Variants in KMT2C observed in about 807,000 individuals in gnomAD.
KMT2C encodes the protein histone-lysine N-methyltransferase 2C.
A neutral mutation model predicts 507.9 loss-of-function variants in KMT2C; 88 were observed. The ratio of observed to expected loss-of-function variants is 0.17; its 90% CI spans 0.15 to 0.21. KMT2C has a LOEUF of 0.21. Among genes scored for constraint, KMT2C ranks in the 10% least tolerant of loss-of-function variants. The probability of loss-of-function intolerance (pLI) is 1.00; values close to 1 mark genes in which losing one functional copy is unlikely to be tolerated. For missense variants in KMT2C, 4,954 were observed against 5,957.8 expected (o/e 0.83, Z 5.55); for synonymous variants, 2,049 against 2,080.8 (o/e 0.98, Z 0.42).
intron 1 of KMT2C, among the ~76,000 whole-genome samples, chr7:152,393,266 T>A (rs1048086449): frequency 2.6e-5 from 4 of 152,240 alleles, no homozygotes; most frequent in African/African-American, 9.6e-5. Context: ...CCCCTACTTG[T>A]AAATTTCAAT....
Position 152,177,164 on chromosome 7 carries a change from T to C in KMT2C, c.8289A>G (p.Glu2763=), listed in dbSNP as rs369076218. Residue 2763 remains glutamate, a synonymous_variant, in exon 38 of 59, where the codon GAA becomes GAG. Coordinates refer to ENST00000262189, the MANE Select transcript of KMT2C (RefSeq NM_170606.3). ...TGCTTTTCTTATCTCCCATGTCAAG[T>C]TCTGGATCTGTATATGCAATGATAT... The part of the protein sequence containing the change: ...EFDIIAYTDP[E]LDMGDKKSMF... The C allele has an allele frequency of 2.6e-5, 42 of 1,613,876 alleles. No homozygotes were observed. Among genetic ancestry groups the C allele is most frequent in the Admixed American group, 1.2e-4 (7 of 60,008 alleles).
At chr7:152,193,939 G>A (rs1312439768) in intron 31 of KMT2C, 70 bp downstream of exon 31, 6 of 1,329,526 alleles carry the variant, frequency 4.5e-6, no homozygotes, top group African/African-American at 1.5e-5. Context: ...ACTTGCTTGT[G>A]TGTGTATATG....
At chr7:152,289,719 T>C (rs200016369) in intron 6 of KMT2C, among the ~76,000 whole-genome samples, 1 of 152,182 alleles carries the variant, frequency 6.6e-6, no homozygotes, top group African/African-American at 2.4e-5. Flanking sequence ...CTTAAAGACT[T>C]TTCTGATGAG....
intron 58 of KMT2C, 65 bp from the exon 59 acceptor site, chr7:152,136,989 A>C: frequency 3.3e-6 from 4 of 1,200,444 alleles, no homozygotes; most frequent in Non-Finnish European, 4.9e-6. Flanking sequence ...TTCTGCCTCC[A>C]TCTCCCTTGC....
chr7:152,283,730 T>A (rs1328395330), intron 6 of KMT2C, among the ~76,000 whole-genome samples: 1 of 152,066 alleles, frequency 6.6e-6, no homozygotes, highest in African/African-American at 2.4e-5. Context: ...CCACTTTTCT[T>A]AAAAAAGAAG....
chr7:152,184,492 T>G (rs1000959973), intron 34 of KMT2C, among the ~76,000 whole-genome samples: 2 of 152,210 alleles, frequency 1.3e-5, no homozygotes, highest in Admixed American at 1.3e-4. Flanking sequence ...TAATAGTTCA[T>G]GGCAAAGATC....
chr7:152,180,329 G>A (rs1222145718), intron 36 of KMT2C, among the ~76,000 whole-genome samples: 1 of 152,078 alleles, frequency 6.6e-6, no homozygotes, highest in Non-Finnish European at 1.5e-5. Flanking sequence ...CAGGTTAGTG[G>A]CTTTTTAAAT....
intron 4 of KMT2C, among the ~76,000 whole-genome samples, chr7:152,314,935 A>T (rs907246510): frequency 6.6e-6 from 1 of 152,144 alleles, no homozygotes; most frequent in Non-Finnish European, 1.5e-5. Flanking sequence ...TAAACTTTTT[A>T]AAAAATAACA....
chr7:152,385,606 C>G (rs571137223), intron 1 of KMT2C, among the ~76,000 whole-genome samples: 1 of 51,308 alleles, frequency 1.9e-5, no homozygotes, highest in East Asian at 4.1e-4. Flanking sequence ...AGCGAGACTC[C>G]GTCTCAAAAA....
At chr7:152,157,343 AC>A (rs1379836975) in intron 44 of KMT2C, among the ~76,000 whole-genome samples, 9 of 151,746 alleles carry the variant, frequency 5.9e-5, no homozygotes, top group African/African-American at 1.9e-4. Flanking sequence ...AAAAAAAAAA[AC>A]CTACAATAGT....
intron 1 of KMT2C, among the ~76,000 whole-genome samples, chr7:152,361,258 T>C (rs1245825443): frequency 6.6e-6 from 1 of 152,088 alleles, no homozygotes; most frequent in Non-Finnish European, 1.5e-5. Context: ...ATCTTTAGAA[T>C]TTATTAAGTA....
intron 14 of KMT2C, among the ~76,000 whole-genome samples, chr7:152,245,221 G>C (rs1176655311): frequency 7.2e-5 from 11 of 152,236 alleles, no homozygotes; most frequent in Non-Finnish European, 1.3e-4. Context: ...CACAGCCACA[G>C]TCTTAGTTTG....
chr7:152,384,289 C>A (rs1291070906), intron 1 of KMT2C, among the ~76,000 whole-genome samples: 1 of 152,194 alleles, frequency 6.6e-6, no homozygotes, highest in Non-Finnish European at 1.5e-5. Flanking sequence ...ACTTAAAACC[C>A]ATACTACCTC....
intron 3 of KMT2C, among the ~76,000 whole-genome samples, chr7:152,317,009 C>T (rs1589144498): frequency 6.6e-6 from 1 of 152,052 alleles, no homozygotes; most frequent in Non-Finnish European, 1.5e-5. Context: ...GAAACACTAC[C>T]CATGAGAAGC....
chr7:152,431,027 T>C (rs1208547389), intron 1 of KMT2C, among the ~76,000 whole-genome samples: 6 of 152,160 alleles, frequency 3.9e-5, no homozygotes, highest in African/African-American at 1.4e-4. Context: ...GATGAAGCAG[T>C]GTGGCTTGTC....
chr7:152,418,791 C>G (rs994875046), intron 1 of KMT2C, among the ~76,000 whole-genome samples: 1 of 151,030 alleles, frequency 6.6e-6, no homozygotes, highest in Non-Finnish European at 1.5e-5. Flanking sequence ...ATTAACAATA[C>G]GGAAATTTTC....
chr7:152,387,598 G>A (rs2097442926), intron 1 of KMT2C, among the ~76,000 whole-genome samples: 1 of 151,496 alleles, frequency 6.6e-6, no homozygotes, highest in East Asian at 2.0e-4. Flanking sequence ...AGCCTCCCAA[G>A]TAGCTGGGAC....
chr7:152,342,866 C>T (rs181597001), intron 2 of KMT2C, among the ~76,000 whole-genome samples: 1 of 152,292 alleles, frequency 6.6e-6, no homozygotes, highest in East Asian at 1.9e-4. Flanking sequence ...AGAGCCTAAC[C>T]TACGAGAAGA....
At chr7:152,363,718 G>C (rs1362421199) in intron 1 of KMT2C, among the ~76,000 whole-genome samples, 3 of 152,134 alleles carry the variant, frequency 2.0e-5, no homozygotes, top group Non-Finnish European at 4.4e-5. Context: ...AAGAAGACTA[G>C]AATTTGTGGG....
Sources: allele counts gnomAD v4.1 joint callset (sites outside exome capture counted in the v4.1 genomes callset), GRCh38; gene constraint gnomAD v4.1.1; transcripts MANE v1.5; gene names NCBI Gene and HGNC (gene_info 2026-07-23, HGNC 2026-07-21).